Variants in ANO7 observed in about 807,000 individuals in gnomAD.
The protein encoded by ANO7 is anoctamin-7.
A neutral mutation model predicts 115.8 loss-of-function variants in ANO7; 114 were observed. That is an observed-to-expected ratio of 0.98 (90% CI 0.85 to 1.15). The LOEUF is 1.15. Ranked by LOEUF, ANO7 falls within the 50% of genes most tolerant of loss-of-function variation. The pLI is 0.00. For missense variants in ANO7, 1,302 were observed against 1,201.2 expected, an observed-to-expected ratio of 1.08 and a Z score of -1.24; for synonymous variants, 550 against 498.2, an observed-to-expected ratio of 1.10 and a Z score of -1.38.
At chr2:241,201,401 C>T (rs750054704) in intron 7 of ANO7, 46 bp downstream of exon 7, 1 of 1,588,048 alleles carries the variant, frequency 6.3e-7, no homozygotes, top group Non-Finnish European at 8.6e-7. Flanking sequence ...TGACCTGGCT[C>T]TGAGGATCCT....
At position 241,209,521 on chromosome 2, in the gene ANO7, C is replaced by T. The variant is rs774410690; in HGVS notation, c.1245C>T (p.Ala415=). 1.9e-5 allele frequency: 30 copies of T among 1,590,626 alleles called. No homozygotes were observed. Among genetic ancestry groups the T allele is most frequent in the African/African-American group, 8.1e-5 (6 of 74,534 alleles). Residue 415 remains alanine, a synonymous_variant, in exon 13 of 25, where the codon GCC becomes GCT. Transcript: ENST00000674324. Reference sequence around the variant, plus strand: ...AGGAGAGGCCTCGGCCCCAGTTTGCCGCCTCAGCCCCCATGACAGCCCCGA... The same window carrying T: ...AGGAGAGGCCTCGGCCCCAGTTTGCTGCCTCAGCCCCCATGACAGCCCCGA... ...DTEERPRPQF[A]ASAPMTAPNP...
At chr2:241,229,485 G>T (rs2069456056), downstream of ANO7, 3 of 760,322 alleles carry the variant, frequency 3.9e-6, no homozygotes, top group South Asian at 1.8e-5. Flanking sequence ...ACCTCGGGAA[G>T]GGGGAAGAGC....
At chr2:241,236,724 C>G in the ANO7 span, 20 of 1,614,066 alleles carry the variant, frequency 1.2e-5, no homozygotes, top group African/African-American at 2.7e-5. Flanking sequence ...TCTCCCCTCC[C>G]CAGCTTCGTC....
rs377591638 is a variant in ANO7, at chr2:241,217,697, G to A, written c.1984G>A (p.Gly662Ser). 8.8e-6 allele frequency: 14 copies of A among 1,588,368 alleles called. No homozygotes were observed. Among genetic ancestry groups the A allele is most frequent in the Non-Finnish European group, 1.2e-5 (14 of 1,168,216 alleles). Residue 662 changes from glycine to serine, a missense_variant, in exon 20 of 25, where the codon GGC (glycine) becomes AGC (serine). Gly to Ser is a moderately conservative substitution (Grantham distance 56, BLOSUM62 0). Coordinates refer to ENST00000674324, the MANE Select transcript of ANO7 (RefSeq NM_001370694.2). ...DEYLEMVLQFGFVTIFVAACP... is the reference protein window; with the variant it reads ...DEYLEMVLQFSFVTIFVAACP... ...CCCCCTCCCCGCAGTGCTGCAGTTC[G>A]GCTTCGTCACCATCTTCGTGGCCGC...
chr2:241,227,888 C>CT (rs1203950389), downstream of ANO7: 6 of 152,214 alleles, frequency 3.9e-5, no homozygotes, highest in African/African-American at 1.4e-4. Flanking sequence ...AAGGGCCTTG[C>CT]TTTCTTTCCC....
Position 241,218,245 on chromosome 2 carries a change from C to G in ANO7, c.2185C>G (p.Leu729Val). 1.3e-6 allele frequency: 2 copies of G among 1,519,376 alleles called. No individual in the cohort carries two copies. The highest frequency in any genetic ancestry group is 1.8e-6 in the Non-Finnish European group (2 of 1,140,508). The allele number at this position is 1,519,376 out of a possible 1,614,324, so 94.1% of individuals were successfully genotyped here. The change falls in exon 21 of 25, where the codon CTC becomes GTC. Residue 729 changes from leucine (L) to valine (V), a missense_variant. Leu to Val is a conservative substitution (Grantham distance 32). Coordinates refer to ENST00000674324, the MANE Select transcript of ANO7 (RefSeq NM_001370694.2). ...THLAVISNAF[L>V]LAFSSDFLPR... ...TGACCCCTCCGGCGCCCAGGCCTTC[C>G]TCCTGGCCTTCTCGTCCGACTTCCT...
downstream of ANO7, chr2:241,230,327 TTA>T: frequency 9.5e-7 from 1 of 1,053,032 alleles, no homozygotes; most frequent in South Asian, 1.5e-5. The surrounding 1 kb of genome is among the most constrained non-coding windows in gnomAD (Gnocchi z 5.0). Flanking sequence ...AGGGTTAAAA[TTA>T]TGTGTCAATT....
chr2:241,190,245 C>A (rs548218549), intron 2 of ANO7, 74 bp downstream of exon 2: 4 of 1,321,504 alleles, frequency 3.0e-6, no homozygotes, highest in East Asian at 5.2e-5. Context: ...CCACCCTGGG[C>A]CCAGAGCCTC....
chr2:241,223,143 ACT>A, intron 21 of ANO7, 41 bp from the exon 22 acceptor site: 2 of 1,575,452 alleles, frequency 1.3e-6, no homozygotes, highest in Non-Finnish European at 1.7e-6. Context: ...CCCAGCCAAC[ACT>A]CAGCCCTGGC....
At chr2:241,207,752 G>A in intron 11 of ANO7, 82 bp downstream of exon 11, 2 of 1,250,616 alleles carry the variant, frequency 1.6e-6, no homozygotes, top group Non-Finnish European at 2.3e-6. Flanking sequence ...TCCTGACTCT[G>A]CCTGCACCAG....
Position 241,212,179 on chromosome 2 carries a change from C to T in ANO7, c.1647C>T (p.Pro549=), listed in dbSNP as rs754441785. ...IFQFVNFYSS[P]VYIAFFKGRF... ...AGTTCGTCAACTTCTACTCCTCACC[C>T]GTCTACATTGCCTTCTTCAAGGGCA... Residue 549 remains proline (P), a synonymous_variant, in exon 16 of 25, where the codon CCC becomes CCT. Transcript: ENST00000674324. 160 of 1,614,016 alleles carry T rather than the reference C, an allele frequency of 9.9e-5. No homozygotes were observed. Among genetic ancestry groups the T allele is most frequent in the Middle Eastern group, 1.6e-4 (1 of 6,084 alleles).
chr2:241,238,413 G>A, the ANO7 span: 23 of 358,904 alleles, frequency 6.4e-5, no homozygotes, highest in Non-Finnish European at 1.1e-4. This position sits in a 1 kb window ranked among gnomAD's most constrained non-coding sequence, Gnocchi z 4.9. Flanking sequence ...CCTTGGGACT[G>A]GCTACCTTGT....
chr2:241,235,656 C>A, the ANO7 span: 1 of 1,166,666 alleles, frequency 8.6e-7, no homozygotes, highest in Non-Finnish European at 1.3e-6. Context: ...GTTGTAAGCT[C>A]AGCAATGGGG....
In ANO7 at chr2:241,209,600, C is replaced by T. The variant is rs757887974; in HGVS notation, c.1324C>T (p.Arg442Cys). 124 of 1,594,366 alleles carry T rather than the reference C, an allele frequency of 7.8e-5. No individual in the cohort carries two copies. The Middle Eastern group carries it at 1.6e-3, about 21-fold the overall frequency. ...CTTCCCTGAGAGGAGCCGCGCGCGC[C>T]GCATGCTGGCCGGCTCTGTGGTGAT... Reference protein sequence around the residue: ...PYFPERSRARRMLAGSVVIVV... With the variant: ...PYFPERSRARCMLAGSVVIVV... The change falls in exon 13 of 25, where the codon CGC (arginine) becomes TGC (cysteine). Residue 442 changes from arginine to cysteine, a missense_variant. Physicochemically the swap from Arg to Cys is radical, Grantham distance 180 (BLOSUM62 -3). Transcript: ENST00000674324.
chr2:241,216,273 C>A (rs776658591), intron 19 of ANO7, 35 bp downstream of exon 19: 2 of 1,529,940 alleles, frequency 1.3e-6, no homozygotes, highest in Non-Finnish European at 8.8e-7. Context: ...CAATGGCTGG[C>A]GCCGTGGGCA....
chr2:241,216,305 C>A, intron 19 of ANO7, 67 bp downstream of exon 19: 1 of 1,469,016 alleles, frequency 6.8e-7, no homozygotes, highest in South Asian at 1.4e-5. Context: ...CCACTCTGCT[C>A]AAGGGCCTCC....
chr2:241,215,004 G>A (rs1301498923), intron 18 of ANO7, 102 bp downstream of exon 18: 2 of 1,116,876 alleles, frequency 1.8e-6, no homozygotes, highest in Non-Finnish European at 2.5e-6. Context: ...GAGAAGAGGT[G>A]AAGGGAAGGC....
intron 5 of ANO7, 70 bp from the exon 6 acceptor site, chr2:241,200,019 A>G: frequency 6.4e-7 from 1 of 1,573,704 alleles, no homozygotes; most frequent in South Asian, 1.1e-5. Context: ...AACTTGCACA[A>G]CCTCCACTCC....
chr2:241,230,710 G>T, downstream of ANO7: 1 of 1,537,032 alleles, frequency 6.5e-7, no homozygotes, highest in East Asian at 2.3e-5. This position sits in a 1 kb window ranked among gnomAD's most constrained non-coding sequence, Gnocchi z 5.0. Flanking sequence ...CCAGCCAGGT[G>T]CCCCCGGTGA....
Sources: allele counts gnomAD v4.1 joint callset, GRCh38; gene constraint gnomAD v4.1.1; non-coding constraint Gnocchi (gnomAD v3.1); transcripts MANE v1.5; gene names NCBI Gene and HGNC (gene_info 2026-07-23, HGNC 2026-07-21).